Variants in LRRN2 observed in about 807,000 individuals in gnomAD.
LRRN2 encodes leucine-rich repeat neuronal protein 2.
Under a neutral mutation model 35.7 loss-of-function variants are expected in LRRN2, and 10 were observed. That is an observed-to-expected ratio of 0.28 (90% CI 0.17 to 0.47). The LOEUF (loss-of-function observed/expected upper bound fraction) is 0.47, where lower values mean the gene tolerates loss of function less well. LRRN2 is among the 20% of genes least tolerant of loss of function. The probability of loss-of-function intolerance (pLI) is 0.99; values close to 1 mark genes in which losing one functional copy is unlikely to be tolerated. For synonymous variants in LRRN2, 391 were observed against 409.6 expected (o/e 0.95, Z 0.55); for missense variants, 731 against 940.3 (o/e 0.78, Z 2.91).
At chr1:204,637,243 A>G (rs1182262866) in intron 1 of LRRN2, among the ~76,000 whole-genome samples, 3 of 152,234 alleles carry the variant, frequency 2.0e-5, no homozygotes, top group Non-Finnish European at 1.5e-5. Flanking sequence ...CATAAAGCAA[A>G]TGAGCTTCTT....
chr1:204,671,675 AGGTGC>A (rs1668717408), intron 1 of LRRN2, among the ~76,000 whole-genome samples: 1 of 111,464 alleles, frequency 9.0e-6, no homozygotes, highest in Non-Finnish European at 1.9e-5. Flanking sequence ...AAAAAAGCAA[AGGTGC>A]CAATGGAGCA....
Position 204,656,067 on chromosome 1 carries a change from G to A in LRRN2, c.-227+29253C>T, listed in dbSNP as rs1398084599. Among the ~76,000 whole-genome samples, 28 of 143,112 alleles carry A rather than the reference G, an allele frequency of 2.0e-4. No individual in the cohort carries two copies. The South Asian group carries it at 6.4e-3, about 33-fold the overall frequency. 93.9% of individuals were successfully genotyped at this position (143,112 alleles called of 152,430 possible). On this transcript the variant is annotated intron_variant, in intron 1 of 1. Coordinates refer to ENST00000367177, the MANE Select transcript of LRRN2 (RefSeq NM_201630.2). ...TGGGACTACAGGCGCCCGCCACCACGCCCGGCTAATTTTTCGTATTTTTAG... is the reference window on the plus strand; with the variant it reads ...TGGGACTACAGGCGCCCGCCACCACACCCGGCTAATTTTTCGTATTTTTAG...
intron 1 of LRRN2, among the ~76,000 whole-genome samples, chr1:204,627,936 GGAAA>G (rs143560836): frequency 0.024 from 3,643 of 152,254 alleles, 156 homozygotes; most frequent in African/African-American, 0.081. Flanking sequence ...ATCCGGAGAA[GGAAA>G]GAAAGAAAGA....
chr1:204,629,465 C>T (rs1667611344), intron 1 of LRRN2: 1 of 153,088 alleles, frequency 6.5e-6, no homozygotes, highest in South Asian at 2.0e-4. Context: ...ATTGTACTCC[C>T]ATAATTCCCG....
Position 204,632,921 on chromosome 1 carries a change from G to A in LRRN2, c.-226-12703C>T, listed in dbSNP as rs181336532. 3.4e-3 allele frequency among the ~76,000 whole-genome samples: 513 copies of A among 150,240 alleles called. 1 individual carries two copies. The highest frequency in any genetic ancestry group is 6.8e-3 in the Middle Eastern group (2 of 294). On this transcript the variant is annotated intron_variant, in intron 1 of 1. Transcript: ENST00000367177. The stretch of plus-strand genomic sequence containing the variant: ...TGCACTCCAGCCTGGGCGACAGAGC[G>A]AGACTCTGTCTCCAAAAAAAAAAAA...
At chr1:204,644,115 C>T (rs550959644) in intron 1 of LRRN2, among the ~76,000 whole-genome samples, 1 of 152,224 alleles carries the variant, frequency 6.6e-6, no homozygotes, top group African/African-American at 2.4e-5. Context: ...ATCTGCTGTA[C>T]CACTGCAATA....
intron 1 of LRRN2, among the ~76,000 whole-genome samples, chr1:204,677,435 A>G (rs1668848546): frequency 6.6e-6 from 1 of 152,184 alleles, no homozygotes; most frequent in Non-Finnish European, 1.5e-5. Flanking sequence ...CATATCCCCA[A>G]GATCCAGGGA....
intron 1 of LRRN2, among the ~76,000 whole-genome samples, chr1:204,626,461 G>T (rs1260923691): frequency 1.3e-5 from 2 of 151,852 alleles, no homozygotes; most frequent in Non-Finnish European, 2.9e-5. Context: ...CACTGTGCCT[G>T]CCGTGCCCTT....
At chr1:204,668,503 G>A (rs568495104) in intron 1 of LRRN2, among the ~76,000 whole-genome samples, 4 of 152,296 alleles carry the variant, frequency 2.6e-5, no homozygotes, top group African/African-American at 9.6e-5. Flanking sequence ...GCTGAGCTAG[G>A]AGAATCACTT....
rs1003921719 is a variant in LRRN2 at position 204,632,656 on chromosome 1, G to A, written c.-226-12438C>T. Reference sequence around the variant, plus strand: ...AAAAAAAAAAAAAAAAATTCGCCACGCGCAGTGGCCCACACCTGTAATCCC... The same window carrying A: ...AAAAAAAAAAAAAAAAATTCGCCACACGCAGTGGCCCACACCTGTAATCCC... On this transcript the variant is annotated intron_variant, in intron 1 of 1. Transcript: ENST00000367177. 5.3e-4 allele frequency among the ~76,000 whole-genome samples: 77 copies of A among 146,486 alleles called. 1 individual carries two copies. Among genetic ancestry groups the A allele is most frequent in the Non-Finnish European group, 3.0e-4 (20 of 67,054 alleles).
At chr1:204,652,270 C>T (rs1668250468) in intron 1 of LRRN2, among the ~76,000 whole-genome samples, 9 of 65,788 alleles carry the variant, frequency 1.4e-4, no homozygotes, top group Middle Eastern at 0.018. Context: ...GCCCCCCCCC[C>T]GCCCCCCCGC....
intron 1 of LRRN2, among the ~76,000 whole-genome samples, chr1:204,639,329 C>G (rs1287297554): frequency 6.6e-6 from 1 of 152,208 alleles, no homozygotes; most frequent in Non-Finnish European, 1.5e-5. Context: ...GCTCAGTTTC[C>G]TCAATTCTAA....
intron 1 of LRRN2, among the ~76,000 whole-genome samples, chr1:204,644,074 G>A (rs937583524): frequency 8.5e-5 from 13 of 152,124 alleles, no homozygotes; most frequent in Non-Finnish European, 1.6e-4. Flanking sequence ...TTTCCCAGCA[G>A]GCATGGGCAG....
At chr1:204,665,827 C>T (rs1668565213) in intron 1 of LRRN2, among the ~76,000 whole-genome samples, 1 of 152,240 alleles carries the variant, frequency 6.6e-6, no homozygotes, top group East Asian at 1.9e-4. Flanking sequence ...AACAGCTCCA[C>T]AAATCCTCTG....
rs114324888 is a variant in LRRN2, at chr1:204,619,006, G to A, written c.987C>T (p.Arg329=). 25 of 1,611,606 alleles carry A rather than the reference G, an allele frequency of 1.6e-5. No homozygotes were observed. Among genetic ancestry groups the A allele is most frequent in the African/African-American group, 5.3e-5 (4 of 75,004 alleles). The change falls in exon 2 of 2, where the codon CGC becomes CGT. Residue 329 remains arginine, a synonymous_variant. Transcript: ENST00000367177. ...CCATCTGGGGCAGGTGGTGGAAGGCGCGGGGGTGGATGAAGGACAGCCGTG... is the reference window on the plus strand; with the variant it reads ...CCATCTGGGGCAGGTGGTGGAAGGCACGGGGGTGGATGAAGGACAGCCGTG... The part of the protein sequence containing the change: ...NNPRLSFIHP[R]AFHHLPQMET...
At chr1:204,629,044 G>C (rs964969184) in intron 1 of LRRN2, 2 of 152,478 alleles carry the variant, frequency 1.3e-5, no homozygotes, top group East Asian at 3.9e-4. Context: ...GAGTCAGGTG[G>C]GGGTGCTGAA....
At position 204,618,800 on chromosome 1, in the gene LRRN2, G is replaced by T; in HGVS notation, c.1193C>A (p.Ala398Glu). 6.2e-7 allele frequency: 1 copy of T among 1,614,060 alleles called. No homozygotes were observed. Among genetic ancestry groups the T allele is most frequent in the Non-Finnish European group, 8.5e-7 (1 of 1,180,036 alleles). The change falls in exon 2 of 2, where the codon GCG becomes GAG. Residue 398 changes from alanine (A) to glutamate (E), a missense_variant. Physicochemically the swap from Ala to Glu is moderately radical, Grantham distance 107. This residue lies in a region of LRRN2 where 256 missense variants were observed against 392.4 expected (regional missense o/e 0.65). Coordinates refer to ENST00000367177, the MANE Select transcript of LRRN2 (RefSeq NM_201630.2). Reference sequence around the variant, plus strand: ...GAGGCGCTGGAGGTCCGGAGGCTCCGCACACAGGGTGGATTGCGGCTCGAT... The same window carrying T: ...GAGGCGCTGGAGGTCCGGAGGCTCCTCACACAGGGTGGATTGCGGCTCGAT... ...RFIEPQSTLC[A>E]EPPDLQRLPV... is the part of the protein sequence containing the mutation.
At chr1:204,623,224 C>G (rs960415139) in intron 1 of LRRN2, among the ~76,000 whole-genome samples, 1 of 152,182 alleles carries the variant, frequency 6.6e-6, no homozygotes, top group Non-Finnish European at 1.5e-5. Context: ...AGACCCTACC[C>G]GAGTCCAGTT....
chr1:204,683,261 A>T (rs1668992323), intron 1 of LRRN2, among the ~76,000 whole-genome samples: 1 of 152,224 alleles, frequency 6.6e-6, no homozygotes, highest in African/African-American at 2.4e-5. Context: ...CAGGATGAGC[A>T]GGAGTGCGTG....
Sources: gnomAD v4.1 joint callset for allele counts (sites outside exome capture counted in the v4.1 genomes callset) on GRCh38, gnomAD v4.1.1 for gene constraint, gnomAD v4.1.1 regional missense constraint, MANE v1.5 for transcripts, NCBI Gene and HGNC (gene_info 2026-07-23, HGNC 2026-07-21) for gene names.